Variants in ACBD6 observed in about 807,000 individuals in gnomAD.
ACBD6 encodes the protein acyl-CoA-binding domain-containing protein 6.
In ACBD6, 28 loss-of-function variants were observed where a neutral mutation model predicts 37.2. The ratio of observed to expected loss-of-function variants is 0.75; its 90% CI spans 0.56 to 1.03. The LOEUF (loss-of-function observed/expected upper bound fraction) is 1.03, where lower values mean the gene tolerates loss of function less well. Ranked by LOEUF, ACBD6 falls within the 50% of genes least tolerant of loss-of-function variation. The pLI is 0.00. For synonymous variants in ACBD6, 113 were observed against 126.8 expected (o/e 0.89, Z 0.73); for missense variants, 340 against 337.4 (o/e 1.01, Z -0.06).
At chr1:180,351,190 A>G (rs926294959) in intron 6 of ACBD6, among the ~76,000 whole-genome samples, 7 of 152,238 alleles carry the variant, frequency 4.6e-5, no homozygotes, top group East Asian at 3.9e-4. Flanking sequence ...TTTATTCTCA[A>G]TCTAGACATC....
At chr1:180,389,412 T>C (rs9729819) in intron 6 of ACBD6, among the ~76,000 whole-genome samples, 4 of 151,958 alleles carry the variant, frequency 2.6e-5, no homozygotes, top group African/African-American at 7.3e-5. Flanking sequence ...TGTTGGACAT[T>C]TGGGTTGGTT....
At chr1:180,338,319 T>C (rs923599351) in intron 6 of ACBD6, among the ~76,000 whole-genome samples, 8 of 152,258 alleles carry the variant, frequency 5.3e-5, no homozygotes, top group Admixed American at 3.3e-4. Context: ...GGTACTGGTA[T>C]CAACACAGAG....
intron 6 of ACBD6, among the ~76,000 whole-genome samples, chr1:180,344,681 T>G (rs114552429): frequency 6.6e-6 from 1 of 152,282 alleles, no homozygotes; most frequent in Non-Finnish European, 1.5e-5. Flanking sequence ...AACCCTATTA[T>G]GTAAACACTA....
In ACBD6 at chr1:180,415,243, A is replaced by G. The variant is rs1648038113; in HGVS notation, c.468-1772T>C. On this transcript the variant is annotated intron_variant, in intron 4 of 7. Transcript: ENST00000367595. ...GAAACCCCGTTTCTACTAAAAATAC[A>G]CAAATTAGCCAGGCGTGGTGACACG... Among the ~76,000 whole-genome samples the G allele has an allele frequency of 2.6e-5, 4 of 152,058 alleles. No individual in the cohort carries two copies. In the South Asian group the frequency reaches 8.3e-4, roughly 32 times the overall value.
At chr1:180,476,719 G>A (rs1237927777) in intron 3 of ACBD6, among the ~76,000 whole-genome samples, 1 of 152,032 alleles carries the variant, frequency 6.6e-6, no homozygotes, top group African/African-American at 2.4e-5. Context: ...CCAGCTACTC[G>A]GGAGGCTGAG....
At chr1:180,363,393 A>G (rs1290843957) in intron 6 of ACBD6, among the ~76,000 whole-genome samples, 1 of 152,224 alleles carries the variant, frequency 6.6e-6, no homozygotes, top group East Asian at 1.9e-4. Flanking sequence ...AAATGAAATA[A>G]AAGTTTTGTA....
At chr1:180,380,820 A>C (rs1031340268) in intron 6 of ACBD6, among the ~76,000 whole-genome samples, 1 of 152,192 alleles carries the variant, frequency 6.6e-6, no homozygotes, top group Admixed American at 6.5e-5. Context: ...AGGATATACA[A>C]AACAACCAGA....
At chr1:180,483,812 G>A (rs1007457025) in intron 3 of ACBD6, among the ~76,000 whole-genome samples, 1 of 152,028 alleles carries the variant, frequency 6.6e-6, no homozygotes, top group African/African-American at 2.4e-5. Context: ...ACACTCAAAT[G>A]TAATCATTCT....
chr1:180,438,591 A>C (rs79257248), intron 3 of ACBD6, among the ~76,000 whole-genome samples: 2,538 of 151,996 alleles, frequency 0.017, 40 homozygotes, highest in Non-Finnish European at 0.02. Flanking sequence ...TTTCTTTTTT[A>C]TTTAGACTTC....
At chr1:180,278,572 G>A (rs1649182140) in intron 9 of ACBD6, 1 of 152,036 alleles carries the variant, frequency 6.6e-6, no homozygotes, top group African/African-American at 2.4e-5. Flanking sequence ...GCAGAGCACA[G>A]GTGAACAGAG....
chr1:180,454,688 C>A (rs923266033), intron 3 of ACBD6, among the ~76,000 whole-genome samples: 1 of 151,558 alleles, frequency 6.6e-6, no homozygotes, highest in Admixed American at 6.6e-5. Flanking sequence ...AGAAAAAAAA[C>A]CCCATCAAAA....
chr1:180,337,754 C>A (rs997179381), intron 6 of ACBD6, among the ~76,000 whole-genome samples: 2 of 152,098 alleles, frequency 1.3e-5, no homozygotes, highest in African/African-American at 4.8e-5. Context: ...TCTAGAAAAC[C>A]CCATCGTCTC....
intron 6 of ACBD6, among the ~76,000 whole-genome samples, chr1:180,325,318 C>G (rs1010847882): frequency 6.6e-6 from 1 of 152,108 alleles, no homozygotes; most frequent in Non-Finnish European, 1.5e-5. Flanking sequence ...AGTCTGTCTT[C>G]AAGCTCACAA....
downstream of ACBD6, among the ~76,000 whole-genome samples, chr1:180,285,657 C>T (rs1186685717): frequency 6.6e-6 from 1 of 152,140 alleles, no homozygotes; most frequent in Non-Finnish European, 1.5e-5. Context: ...GTGCTACAAT[C>T]ACACACATTA....
At chr1:180,471,622 C>T (rs560563397) in intron 3 of ACBD6, among the ~76,000 whole-genome samples, 1 of 152,192 alleles carries the variant, frequency 6.6e-6, no homozygotes, top group South Asian at 2.1e-4. Context: ...GCGGATACCC[C>T]TGATAAGCCC....
intron 2 of ACBD6, among the ~76,000 whole-genome samples, chr1:180,493,504 T>G (rs1293808892): frequency 6.6e-6 from 1 of 152,048 alleles, no homozygotes; most frequent in Non-Finnish European, 1.5e-5. Context: ...CAGAACTCAA[T>G]CCCACATTTT....
chr1:180,400,908 T>C (rs1179286529), intron 5 of ACBD6, among the ~76,000 whole-genome samples: 1 of 152,210 alleles, frequency 6.6e-6, no homozygotes, highest in Non-Finnish European at 1.5e-5. Flanking sequence ...TAGGTGTGCA[T>C]TAAAGCTATA....
At chr1:180,459,907 G>A (rs1406584199) in intron 3 of ACBD6, among the ~76,000 whole-genome samples, 6 of 151,410 alleles carry the variant, frequency 4.0e-5, no homozygotes, top group African/African-American at 1.5e-4. Context: ...AACCATTTAG[G>A]GATGGAAGCA....
At chr1:180,327,785 CTTAT>C (rs1651313165) in intron 6 of ACBD6, among the ~76,000 whole-genome samples, 1 of 152,158 alleles carries the variant, frequency 6.6e-6, no homozygotes, top group Non-Finnish European at 1.5e-5. Context: ...GGATATTTAG[CTTAT>C]AGTTACTAGC....
Sources: gnomAD v4.1 joint callset for allele counts (sites outside exome capture counted in the v4.1 genomes callset) on GRCh38, gnomAD v4.1.1 for gene constraint, MANE v1.5 for transcripts, NCBI Gene and HGNC (gene_info 2026-07-23, HGNC 2026-07-21) for gene names.